BIN1: variants seen among roughly 807,000 people sequenced by gnomAD.
BIN1 encodes bridging integrator 1, also known as myc box-dependent-interacting protein 1.
In BIN1, 53 loss-of-function variants were observed where a neutral mutation model predicts 82.0. The observed-to-expected ratio is 0.65, with a 90% CI of 0.52 to 0.81. The LOEUF (loss-of-function observed/expected upper bound fraction) is 0.81, where lower values mean the gene tolerates loss of function less well. Ranked by LOEUF, BIN1 falls within the 40% of genes least tolerant of loss-of-function variation. The pLI is 0.00. For missense variants in BIN1, 642 were observed against 784.4 expected (o/e 0.82, Z 2.17); for synonymous variants, 302 against 328.0 (o/e 0.92, Z 0.86).
rs1294646827 is a variant in BIN1 at position 127,097,739 on chromosome 2, GCAACA to G, written c.84+9116_84+9120del. The stretch of plus-strand genomic sequence containing the variant: ...ACCAGGAGACAGAAGAAAGGTTCAG[GCAACA>G]CGTGGGGAGGGAAGCTGAAGAGCCC... On this transcript the variant is annotated intron_variant, in intron 1 of 18. Coordinates refer to ENST00000316724, the MANE Select transcript of BIN1 (RefSeq NM_139343.3). 2.0e-5 allele frequency among the ~76,000 whole-genome samples: 3 copies of G among 152,138 alleles called. No individual in the cohort carries two copies. The East Asian group carries it at 5.8e-4, about 30-fold the overall frequency.
At chr2:127,084,285 C>T (rs950507766) in intron 1 of BIN1, among the ~76,000 whole-genome samples, 5 of 152,230 alleles carry the variant, frequency 3.3e-5, no homozygotes, top group South Asian at 2.1e-4. Flanking sequence ...CCACGTGACC[C>T]GGCATTCCAC....
At chr2:127,064,074 C>T (rs1282505153) in intron 7 of BIN1, 56 bp from the exon 8 acceptor site, 1 of 1,600,472 alleles carries the variant, frequency 6.2e-7, no homozygotes, top group Non-Finnish European at 8.6e-7. Flanking sequence ...AGCCCAGCCC[C>T]ATGGCCAGTC....
At position 127,067,350 on chromosome 2, in the gene BIN1, C is replaced by A. The variant is rs933461959; in HGVS notation, c.612+813G>T. Reference sequence around the variant, plus strand: ...CGAGAAAACCACATGACCCACCTCTCACAGGGCACTGCATCCAGTGGTCCC... The same window carrying A: ...CGAGAAAACCACATGACCCACCTCTAACAGGGCACTGCATCCAGTGGTCCC... On this transcript the variant is annotated intron_variant, in intron 7 of 18. Coordinates refer to ENST00000316724, the MANE Select transcript of BIN1 (RefSeq NM_139343.3). This position sits in a 1 kb window ranked among gnomAD's most constrained non-coding sequence, Gnocchi z 4.7. Among the ~76,000 whole-genome samples, 1 of 152,230 alleles carries A rather than the reference C, an allele frequency of 6.6e-6. No homozygotes were observed. The highest frequency in any genetic ancestry group is 1.5e-5 in the Non-Finnish European group (1 of 68,036).
At chr2:127,050,777 C>T in intron 17 of BIN1, 25 bp downstream of exon 17, 1 of 1,608,948 alleles carries the variant, frequency 6.2e-7, no homozygotes, top group Non-Finnish European at 8.5e-7. Context: ...CGAGGGACTG[C>T]AGCAGTCAGA....
chr2:127,099,287 G>A (rs1376528272), intron 1 of BIN1, among the ~76,000 whole-genome samples: 1 of 152,118 alleles, frequency 6.6e-6, no homozygotes, highest in East Asian at 1.9e-4. Flanking sequence ...GCCTGCCTGG[G>A]TCAGGAAGCA....
intron 12 of BIN1, chr2:127,054,324 G>A: frequency 2.4e-6 from 1 of 413,444 alleles, no homozygotes; most frequent in Non-Finnish European, 4.6e-6. Context: ...CCACCCCGCA[G>A]GGCCAGCACC....
rs200659440 is a variant in BIN1 at position 127,060,556 on chromosome 2, G to A, written c.858-1401C>T. Reference sequence around the variant, plus strand: ...GCGCATGCACAGGGCCAGCCAGGGCGCGGGCCTCTGCGCCCCTCCGCAGCA... The same window carrying A: ...GCGCATGCACAGGGCCAGCCAGGGCACGGGCCTCTGCGCCCCTCCGCAGCA... On this transcript the variant is annotated intron_variant, in intron 10 of 18. Transcript: ENST00000316724. 4.2e-5 allele frequency: 68 copies of A among 1,613,682 alleles called. No homozygotes were observed. In the African/African-American group the frequency reaches 7.1e-4, roughly 17 times the overall value.
At position 127,068,226 on chromosome 2, in the gene BIN1, G is replaced by T; in HGVS notation, c.549C>A (p.Pro183=). The T allele has an allele frequency of 1.9e-6, 3 of 1,613,614 alleles. No homozygotes were observed. The highest frequency in any genetic ancestry group is 2.2e-5 in the South Asian group (2 of 91,036). ...CCTGCAGTTTGCCTTGGCACCACTG[G>T]GGGGCGGCTTTCTCAAGCAGCGAGA... ...KPVSLLEKAA[P]QWCQGKLQAH... is the part of the protein sequence containing the mutation. The change falls in exon 7 of 19, where the codon CCC becomes CCA. Residue 183 remains proline (P), a synonymous_variant. Transcript: ENST00000316724. The surrounding 1 kb of genome is among the most constrained non-coding windows in gnomAD (Gnocchi z 4.9).
chr2:127,105,471 CCT>C (rs1558896861), intron 1 of BIN1, among the ~76,000 whole-genome samples: 26 of 142,756 alleles, frequency 1.8e-4, no homozygotes, highest in South Asian at 9.1e-4. Context: ...TTTAATCCCT[CCT>C]CCTCCTCCTC....
At chr2:127,061,556 A>G (rs1485269457) in intron 10 of BIN1, among the ~76,000 whole-genome samples, 3 of 152,224 alleles carry the variant, frequency 2.0e-5, no homozygotes, top group African/African-American at 7.2e-5. Flanking sequence ...CAGCCAGGAA[A>G]GCAAGGCATT....
At chr2:127,083,328 C>T (rs116210730) in intron 1 of BIN1, among the ~76,000 whole-genome samples, 3,874 of 152,266 alleles carry the variant, frequency 0.025, 82 homozygotes, top group Admixed American at 0.038. Flanking sequence ...GATCCTCCCA[C>T]CTCAGCACCC....
chr2:127,050,150 G>A (rs1019900818), intron 18 of BIN1, among the ~76,000 whole-genome samples: 5 of 152,196 alleles, frequency 3.3e-5, no homozygotes, highest in Non-Finnish European at 5.9e-5. Context: ...AAGGGGGGAC[G>A]TGGGGAGAAG....
At position 127,069,035 on chromosome 2, in the gene BIN1, G is replaced by C. The variant is rs1685519951; in HGVS notation, c.412-4C>G. 1 of 1,613,642 alleles carries C rather than the reference G, an allele frequency of 6.2e-7. No homozygotes were observed. The highest frequency in any genetic ancestry group is 1.3e-5 in the African/African-American group (1 of 74,940). On this transcript the variant is annotated splice_polypyrimidine_tract_variant and splice_region_variant and intron_variant, in intron 5 of 18. Coordinates refer to ENST00000316724, the MANE Select transcript of BIN1 (RefSeq NM_139343.3). ...GCCCCCGCTTGGCAATGCGTGACTG[G>C]GGCAGACAGAGGAGGGCACTAAGCG...
chr2:127,052,427 G>T, intron 14 of BIN1, 65 bp from the exon 15 acceptor site: 1 of 1,418,548 alleles, frequency 7.0e-7, no homozygotes, highest in Non-Finnish European at 9.7e-7. Context: ...AAGGCAATGG[G>T]CAGGATCACA....
At chr2:127,070,703 T>C in intron 3 of BIN1, 56 bp from the exon 4 acceptor site, 1 of 1,612,288 alleles carries the variant, frequency 6.2e-7, no homozygotes, top group Non-Finnish European at 8.5e-7. Context: ...TGTCCCACCC[T>C]CCCCAGCTCT....
chr2:127,053,916 G>C lies in BIN1; in HGVS notation c.1228C>G (p.Pro410Ala), dbSNP rs1683294444. ...PVTSPVKAPT[P>A]SGQSIPWDLW... Reference sequence around the variant, plus strand: ...TGGGCACAACCAACCTGACCAGAGGGCGTGGGTGCCTTCACAGGGCTCGTC... The same window carrying C: ...TGGGCACAACCAACCTGACCAGAGGCCGTGGGTGCCTTCACAGGGCTCGTC... The change falls in exon 13 of 19, where the codon CCC becomes GCC. Residue 410 changes from proline to alanine, a missense_variant. Transcript: ENST00000316724. The C allele has an allele frequency of 6.4e-7, 1 of 1,551,170 alleles. No individual in the cohort carries two copies. Among genetic ancestry groups the C allele is most frequent in the Non-Finnish European group, 8.7e-7 (1 of 1,146,958 alleles).
At chr2:127,052,191 C>G in intron 15 of BIN1, 64 bp downstream of exon 15, 5 of 1,494,590 alleles carry the variant, frequency 3.3e-6, no homozygotes, top group Non-Finnish European at 3.6e-6. Context: ...TCGGGGCTCT[C>G]CTTCCATGCT....
chr2:127,062,338 A>C (rs1448083497), intron 9 of BIN1, 141 bp from the exon 10 acceptor site: 9 of 855,658 alleles, frequency 1.1e-5, no homozygotes, highest in Non-Finnish European at 1.6e-5. Flanking sequence ...GAGAGCAAGG[A>C]ACTAGCACAC....
Position 127,080,756 on chromosome 2 carries a change from C to CCAGGG in BIN1, c.85-4055_85-4051dup, listed in dbSNP as rs1687184154. Reference sequence around the variant, plus strand: ...GCTGAAGTGCCTTGGAGGGGACACCCCAGGGCAGGGCAGGGAGGGGGGGCA... The same window carrying CCAGGG: ...GCTGAAGTGCCTTGGAGGGGACACCCCAGGGCAGGGCAGGGCAGGGAGGGGGGGCA... On this transcript the variant is annotated intron_variant, in intron 1 of 18. Transcript: ENST00000316724. Among the ~76,000 whole-genome samples the CCAGGG allele has an allele frequency of 2.0e-5, 3 of 152,186 alleles. 1 individual carries two copies. The highest frequency in any genetic ancestry group is 2.0e-4 in the Admixed American group (3 of 15,286).
Sources: allele counts gnomAD v4.1 joint callset (sites outside exome capture counted in the v4.1 genomes callset), GRCh38; gene constraint gnomAD v4.1.1; non-coding constraint Gnocchi (gnomAD v3.1); transcripts MANE v1.5; gene names NCBI Gene and HGNC (gene_info 2026-07-23, HGNC 2026-07-21).